The following HIBCH variants were observed in gnomAD, a reference collection of about 807,000 sequenced individuals.
HIBCH encodes the protein 3-hydroxyisobutyryl-CoA hydrolase.
A neutral mutation model predicts 58.2 loss-of-function variants in HIBCH; 50 were observed. The ratio of observed to expected loss-of-function variants is 0.86; its 90% confidence interval spans 0.68 to 1.09. HIBCH has a LOEUF of 1.09. HIBCH is among the 50% of genes least tolerant of loss of function. The pLI, the probability that HIBCH is intolerant of heterozygous loss-of-function variation, is 0.00. For synonymous variants in HIBCH, 151 were observed against 146.9 expected (o/e 1.03, Z -0.20); for missense variants, 450 against 449.7 (o/e 1.00, Z -0.01).
rs1690416469 is a variant in HIBCH at position 190,207,361 on chromosome 2, A to C, written c.1045+1519T>G. 6.6e-6 allele frequency among the ~76,000 whole-genome samples: 1 copy of C among 152,206 alleles called. No homozygotes were observed. The highest frequency in any genetic ancestry group is 6.5e-5 in the Admixed American group (1 of 15,272). On this transcript the variant is annotated intron_variant, in intron 13 of 13. Transcript: ENST00000359678. This position sits in a 1 kb window ranked among gnomAD's most constrained non-coding sequence, Gnocchi z 4.5. The stretch of plus-strand genomic sequence containing the variant: ...TAGGCTGTAATCCACATGCAGCAAG[A>C]ATTTGCAGAGAATTTGTGAGGAAAA...
chr2:190,264,780 C>T (rs1459855372), intron 6 of HIBCH, among the ~76,000 whole-genome samples: 1 of 152,110 alleles, frequency 6.6e-6, no homozygotes, highest in Non-Finnish European at 1.5e-5. Flanking sequence ...AAAGTGCACA[C>T]ATTTTGGTCA....
In HIBCH at chr2:190,290,427, T is replaced by C. The variant is rs753118661; in HGVS notation, c.363A>G (p.Glu121=). The C allele has an allele frequency of 1.5e-5, 24 of 1,611,032 alleles. No individual in the cohort carries two copies. Among genetic ancestry groups the C allele is most frequent in the Non-Finnish European group, 2.0e-5 (24 of 1,177,480 alleles). ...TACCAACAGCATTATTCAGCATATA[T>C]TCTTCTCTGAAGAAAACTGGAGCTA... is the stretch of plus-strand genomic sequence containing the variant. ...QKIAPVFFRE[E]YMLNNAVGSC... Residue 121 remains glutamate, a synonymous_variant, in exon 5 of 14, where the codon GAA becomes GAG. Coordinates refer to ENST00000359678, the MANE Select transcript of HIBCH (RefSeq NM_014362.4).
In HIBCH at chr2:190,308,667, T is replaced by C. The variant is rs182165688; in HGVS notation, c.78+2087A>G. On this transcript the variant is annotated intron_variant, in intron 2 of 13. Coordinates refer to ENST00000359678, the MANE Select transcript of HIBCH (RefSeq NM_014362.4). ...CCACACCAGATGCAACACCTTGACC[T>C]TGGACTTCTCAACCTCCGTAACGAT... Among the ~76,000 whole-genome samples the C allele has an allele frequency of 2.0e-5, 3 of 152,282 alleles. No individual in the cohort carries two copies. The East Asian group carries it at 5.8e-4, about 29-fold the overall frequency.
chr2:190,224,381 A>T (rs1223808766), intron 11 of HIBCH, among the ~76,000 whole-genome samples: 1 of 152,214 alleles, frequency 6.6e-6, no homozygotes, highest in Non-Finnish European at 1.5e-5. Context: ...TGCTGTATTC[A>T]GGAGACCCAT....
chr2:190,200,483 T>TAAACTGCCCCAAATTCC, downstream of HIBCH: 1 of 210,036 alleles, frequency 4.8e-6, no homozygotes. Context: ...ATTCCAATGG[T>TAAACTGCCCCAAATTCC]TGAAGTTTAT....
Position 190,319,762 on chromosome 2 carries a change from C to G in HIBCH, c.-12G>C. 1 of 1,610,974 alleles carries G rather than the reference C, an allele frequency of 6.2e-7. No homozygotes were observed. The highest frequency in any genetic ancestry group is 8.5e-7 in the Non-Finnish European group (1 of 1,178,764). ...TCGCGCTGCCCCATCGCCAAACACT[C>G]CGAAGCTAAAGCAGCAGAGCGAGAA... On this transcript the variant is annotated 5_prime_UTR_variant, in exon 1 of 14. Transcript: ENST00000359678.
intron 6 of HIBCH, among the ~76,000 whole-genome samples, chr2:190,280,453 C>A (rs895972261): frequency 2.0e-5 from 3 of 152,084 alleles, no homozygotes; most frequent in Non-Finnish European, 4.4e-5. Flanking sequence ...AATAACTGGT[C>A]GCAGCTGGCA....
At chr2:190,239,847 A>T (rs1686399536) in intron 11 of HIBCH, among the ~76,000 whole-genome samples, 1 of 152,014 alleles carries the variant, frequency 6.6e-6, no homozygotes, top group Non-Finnish European at 1.5e-5. Flanking sequence ...ACAGGGTTTC[A>T]CCATGCTAGC....
intron 6 of HIBCH, among the ~76,000 whole-genome samples, chr2:190,283,455 T>G (rs1340012519): frequency 6.6e-6 from 1 of 152,188 alleles, no homozygotes; most frequent in Non-Finnish European, 1.5e-5. Flanking sequence ...CTTGTCCAGG[T>G]GTATGCTCAC....
chr2:190,247,002 C>CA (rs998819273), intron 9 of HIBCH, among the ~76,000 whole-genome samples: 1 of 142,796 alleles, frequency 7.0e-6, no homozygotes, highest in Non-Finnish European at 1.5e-5. Context: ...TTAAATAAGA[C>CA]TTTTTTTTTT....
intron 6 of HIBCH, among the ~76,000 whole-genome samples, chr2:190,267,526 TATC>T (rs750552570): frequency 3.3e-5 from 5 of 152,228 alleles, no homozygotes; most frequent in Non-Finnish European, 5.9e-5. Flanking sequence ...TGTTTGAAAA[TATC>T]ATACCAGTAG....
rs1226677227 is a variant in HIBCH, at chr2:190,212,941, T to C, written c.1011+15A>G. ...TTTAGAACTAAAAAATGACATTTTT[T>C]TTTTAAATTCTTACCATACAAGCTT... is the stretch of plus-strand genomic sequence containing the variant. On this transcript the variant is annotated intron_variant, in intron 12 of 13. Transcript: ENST00000359678. The C allele has an allele frequency of 6.2e-6, 10 of 1,605,738 alleles. No individual in the cohort carries two copies. Among genetic ancestry groups the C allele is most frequent in the Non-Finnish European group, 8.5e-6 (10 of 1,175,598 alleles).
chr2:190,223,605 C>T (rs915869065), intron 11 of HIBCH, among the ~76,000 whole-genome samples: 2 of 152,074 alleles, frequency 1.3e-5, no homozygotes, highest in African/African-American at 4.8e-5. Flanking sequence ...ATTGAAGAAA[C>T]TCAAAGAGGG....
At chr2:190,319,570 G>T in intron 1 of HIBCH, 146 bp downstream of exon 1, 1 of 710,194 alleles carries the variant, frequency 1.4e-6, no homozygotes, top group Admixed American at 2.1e-5. Flanking sequence ...GCTGGGGCTT[G>T]GGGAGGGCCA....
intron 1 of HIBCH, chr2:190,311,084 T>C: frequency 1.8e-6 from 1 of 566,684 alleles, no homozygotes. Context: ...ATATAAAATA[T>C]TATTCAGCCA....
downstream of HIBCH, chr2:190,199,571 G>GTTTTC: frequency 2.6e-6 from 1 of 381,194 alleles, no homozygotes; most frequent in South Asian, 7.8e-5. Context: ...ATAAGATAAA[G>GTTTTC]CTGTTTGTTT....
rs370172555 is a variant in HIBCH, at chr2:190,259,319, A to ATGTGTGTGTGTGTGTGTGTGTG, written c.517+1815_517+1836dup. 1.6e-3 allele frequency among the ~76,000 whole-genome samples: 199 copies of ATGTGTGTGTGTGTGTGTGTGTG among 122,184 alleles called. 2 individuals are homozygous for ATGTGTGTGTGTGTGTGTGTGTG. The highest frequency in any genetic ancestry group is 3.7e-3 in the Admixed American group (42 of 11,274). The allele number at this position is 122,184 out of a possible 152,430, so 80.2% of individuals were successfully genotyped here. A position where few individuals can be genotyped will look rare whatever the true frequency, so the allele number is the denominator to read the frequency against. ...AAGTTTTGTAGTTTTCAGTATACAGATGTGTGTGTGTGTGTGTGTGTGTGT... is the reference window on the plus strand; with the variant it reads ...AAGTTTTGTAGTTTTCAGTATACAGATGTGTGTGTGTGTGTGTGTGTGTGTGTGTGTGTGTGTGTGTGTGTGT... On this transcript the variant is annotated intron_variant, in intron 7 of 13. Transcript: ENST00000359678.
At chr2:190,196,141 C>T (rs1414804660) in intron 1 of HIBCH, among the ~76,000 whole-genome samples, 1 of 151,948 alleles carries the variant, frequency 6.6e-6, no homozygotes, top group African/African-American at 2.4e-5. Flanking sequence ...TTGTCCCTCC[C>T]CAACCCCCAA....
At chr2:190,285,976 A>C (rs767402204) in intron 6 of HIBCH, among the ~76,000 whole-genome samples, 1 of 151,998 alleles carries the variant, frequency 6.6e-6, no homozygotes, top group Non-Finnish European at 1.5e-5. Flanking sequence ...CCAGTCACTG[A>C]GATTACTGGT....
Sources: allele counts gnomAD v4.1 joint callset (sites outside exome capture counted in the v4.1 genomes callset), GRCh38; gene constraint gnomAD v4.1.1; non-coding constraint Gnocchi (gnomAD v3.1); transcripts MANE v1.5; gene names NCBI Gene and HGNC (gene_info 2026-07-23, HGNC 2026-07-21).